Variants in NBAS observed in about 807,000 individuals in gnomAD.
NBAS encodes the protein NAG/BC035112 fusion.
A neutral mutation model predicts 302.5 loss-of-function variants in NBAS; 219 were observed. That is an observed-to-expected ratio of 0.72 (90% CI 0.65 to 0.81). The LOEUF (loss-of-function observed/expected upper bound fraction) is 0.81. Ranked by LOEUF, NBAS falls within the 30% of genes least tolerant of loss-of-function variation. NBAS has a pLI of 0.00. For missense variants in NBAS, 2,932 were observed against 2,841.6 expected (o/e 1.03, Z -0.72); for synonymous variants, 1,118 against 1,021.6 (o/e 1.09, Z -1.80).
At chr2:15,341,167 C>T (rs1672831755) in intron 35 of NBAS, among the ~76,000 whole-genome samples, 1 of 152,146 alleles carries the variant, frequency 6.6e-6, no homozygotes, top group African/African-American at 2.4e-5. Context: ...GGGCAGATCA[C>T]TTGAGGCCAA....
the NBAS span, among the ~76,000 whole-genome samples, chr2:14,916,701 A>G: frequency 6.6e-6 from 1 of 152,228 alleles, no homozygotes; most frequent in Non-Finnish European, 1.5e-5. Context: ...ATGGCTCGCT[A>G]CTAAGCCCTG....
the NBAS span, among the ~76,000 whole-genome samples, chr2:15,150,065 T>C: frequency 1.1e-5 from 1 of 88,366 alleles, no homozygotes; most frequent in African/African-American, 5.3e-5. Context: ...CAACCCTGTC[T>C]CAAAAAAAAA....
chr2:14,974,835 A>T, the NBAS span, among the ~76,000 whole-genome samples: 26,804 of 152,228 alleles, frequency 0.18, 3,159 homozygotes, highest in Non-Finnish European at 0.27. Context: ...GACACAGTTC[A>T]TCCTAAAAAG....
Position 15,534,538 on chromosome 2 carries a change from C to T in NBAS, c.746+5G>A. ...CACTAAATATGAGAACAAATGGTTACTTACCTGTGACCAGGGTGGTAAATA... is the reference window on the plus strand; with the variant it reads ...CACTAAATATGAGAACAAATGGTTATTTACCTGTGACCAGGGTGGTAAATA... On this transcript the variant is annotated splice_donor_5th_base_variant and intron_variant, in intron 9 of 51. Coordinates refer to ENST00000281513, the MANE Select transcript of NBAS (RefSeq NM_015909.4). 1 of 1,583,840 alleles carries T rather than the reference C, an allele frequency of 6.3e-7. No homozygotes were observed.
At chr2:15,002,163 T>C in the NBAS span, among the ~76,000 whole-genome samples, 4 of 151,620 alleles carry the variant, frequency 2.6e-5, no homozygotes, top group South Asian at 2.1e-4. Flanking sequence ...ACAGTGTTGA[T>C]TGGTGCATTC....
At chr2:14,867,526 C>T in the NBAS span, among the ~76,000 whole-genome samples, 2 of 152,144 alleles carry the variant, frequency 1.3e-5, no homozygotes, top group Non-Finnish European at 2.9e-5. Flanking sequence ...GATGCTTGCC[C>T]TTGCTCCTCC....
chr2:15,550,953 G>A (rs181494050), intron 6 of NBAS, among the ~76,000 whole-genome samples: 15 of 152,130 alleles, frequency 9.9e-5, no homozygotes, highest in South Asian at 2.1e-4. Context: ...TGACACCCCC[G>A]ATTAAGAAAT....
intron 40 of NBAS, among the ~76,000 whole-genome samples, chr2:15,299,233 G>T (rs1027638309): frequency 6.6e-6 from 1 of 152,184 alleles, no homozygotes; most frequent in African/African-American, 2.4e-5. Context: ...AATTTAAAAA[G>T]GAAATTGTGA....
intron 21 of NBAS, among the ~76,000 whole-genome samples, chr2:15,436,634 T>C (rs2148502365): frequency 6.6e-6 from 1 of 152,330 alleles, no homozygotes; most frequent in African/African-American, 2.4e-5. Flanking sequence ...TATAATGTTG[T>C]CTTTAACTGT....
At chr2:15,292,802 C>T in intron 40 of NBAS, 36 bp from the exon 41 acceptor site, 1 of 1,593,442 alleles carries the variant, frequency 6.3e-7, no homozygotes, top group South Asian at 1.1e-5. Flanking sequence ...ATTTTACCAA[C>T]ATCATACAAA....
At chr2:15,156,530 T>C in the NBAS span, among the ~76,000 whole-genome samples, 2 of 152,174 alleles carry the variant, frequency 1.3e-5, no homozygotes, top group East Asian at 1.9e-4. Flanking sequence ...TCATAGATGG[T>C]GGTTTCTTGC....
chr2:15,459,546 G>A (rs544267722), intron 21 of NBAS, among the ~76,000 whole-genome samples: 17 of 133,070 alleles, frequency 1.3e-4, no homozygotes, highest in Admixed American at 2.7e-4. Context: ...CCAGGGGTGC[G>A]ATAGCTCACT....
chr2:15,343,562 A>G (rs543133469), intron 35 of NBAS, among the ~76,000 whole-genome samples: 7 of 152,182 alleles, frequency 4.6e-5, no homozygotes, highest in Non-Finnish European at 1.0e-4. Context: ...CTAAGAAAGA[A>G]TAAGTATCAT....
At chr2:15,027,240 A>C in the NBAS span, among the ~76,000 whole-genome samples, 4 of 152,212 alleles carry the variant, frequency 2.6e-5, no homozygotes, top group Non-Finnish European at 5.9e-5. Context: ...CTTGTTCCAC[A>C]CATCCAAGAA....
At chr2:15,153,937 G>A in the NBAS span, among the ~76,000 whole-genome samples, 2 of 152,200 alleles carry the variant, frequency 1.3e-5, no homozygotes, top group African/African-American at 4.8e-5. Context: ...GATTTTAGGA[G>A]CTTGGAAATA....
intron 11 of NBAS, among the ~76,000 whole-genome samples, chr2:15,500,460 A>G (rs1440676040): frequency 2.0e-5 from 3 of 151,480 alleles, no homozygotes; most frequent in Admixed American, 2.0e-4. Context: ...CCCACCCTCA[A>G]GAAGTTTACT....
chr2:15,181,341 A>C (rs1489012807), intron 50 of NBAS, among the ~76,000 whole-genome samples: 1 of 152,192 alleles, frequency 6.6e-6, no homozygotes, highest in Admixed American at 6.5e-5. Flanking sequence ...AGAGGCAAGG[A>C]TATCCAAGAA....
chr2:15,527,458 A>G (rs913831515), intron 9 of NBAS, among the ~76,000 whole-genome samples: 1 of 152,200 alleles, frequency 6.6e-6, no homozygotes, highest in African/African-American at 2.4e-5. Flanking sequence ...AGGTGCAGTG[A>G]GGTTGGTTGT....
In NBAS at chr2:15,474,109, C is replaced by T; in HGVS notation, c.1557G>A (p.Val519=). 6.2e-7 allele frequency: 1 copy of T among 1,614,184 alleles called. No homozygotes were observed. Among genetic ancestry groups the T allele is most frequent in the South Asian group, 1.1e-5 (1 of 91,084 alleles). ...CCTCTGGTGTCGTGGAGCGCAAACT[C>T]ACAAGGCGGTAGTTTTTAGTAATGG... is the stretch of plus-strand genomic sequence containing the variant. ...PRTITKNYRL[V]SLRSTTPEEL... is the part of the protein sequence containing the mutation. Residue 519 remains valine, a synonymous_variant, in exon 15 of 52, where the codon GTG becomes GTA. Coordinates refer to ENST00000281513, the MANE Select transcript of NBAS (RefSeq NM_015909.4).
Sources: allele counts gnomAD v4.1 joint callset (sites outside exome capture counted in the v4.1 genomes callset), GRCh38; gene constraint gnomAD v4.1.1; transcripts MANE v1.5; gene names NCBI Gene and HGNC (gene_info 2026-07-23, HGNC 2026-07-21).